CPPED1: variants seen among roughly 807,000 people sequenced by gnomAD.
CPPED1 encodes serine/threonine-protein phosphatase CPPED1.
In CPPED1, 28 loss-of-function variants were observed where a neutral mutation model predicts 28.0. The ratio of observed to expected loss-of-function variants is 1.00; its 90% CI spans 0.74 to 1.37. The LOEUF (loss-of-function observed/expected upper bound fraction) is 1.37, where lower values mean the gene tolerates loss of function less well. Among genes scored for constraint, CPPED1 ranks in the 40% most tolerant of loss-of-function variants. The pLI, the probability that CPPED1 is intolerant of heterozygous loss-of-function variation, is 0.00. For missense variants in CPPED1, 504 were observed against 416.5 expected (o/e 1.21, Z -1.83); for synonymous variants, 198 against 180.2 (o/e 1.10, Z -0.79).
intron 3 of CPPED1, among the ~76,000 whole-genome samples, chr16:12,667,274 T>C (rs1283958032): frequency 2.0e-5 from 3 of 152,166 alleles, no homozygotes; most frequent in Non-Finnish European, 4.4e-5. Flanking sequence ...TTATTTAAGA[T>C]TGTCTGACAA....
At position 12,705,007 on chromosome 16, in the gene CPPED1, A is replaced by C. The variant is rs375032569; in HGVS notation, c.332T>G (p.Val111Gly). 1 of 1,613,608 alleles carries C rather than the reference A, an allele frequency of 6.2e-7. No homozygotes were observed. The highest frequency in any genetic ancestry group is 8.5e-7 in the Non-Finnish European group (1 of 1,179,732). The stretch of plus-strand genomic sequence containing the variant: ...GATGGCCCTGTCCACTGCCCTAAGC[A>C]CTCGCTTCAGGTCCTCCGTCTGCTC... Reference protein sequence around the residue: ...RTEQTEDLKRVLRAVDRAIPL... With the variant: ...RTEQTEDLKRGLRAVDRAIPL... Residue 111 changes from valine to glycine, a missense_variant, in exon 3 of 4, where the codon GTG becomes GGG. Physicochemically the swap from Val to Gly is moderately radical, Grantham distance 109. Coordinates refer to ENST00000381774, the MANE Select transcript of CPPED1 (RefSeq NM_018340.3).
intron 2 of CPPED1, among the ~76,000 whole-genome samples, chr16:12,763,115 C>G (rs2141227908): frequency 6.6e-6 from 1 of 151,870 alleles, no homozygotes; most frequent in East Asian, 2.0e-4. Context: ...GCCTGTAATT[C>G]CAGCTACTTG....
chr16:12,664,247 T>G lies in CPPED1; in HGVS notation c.*639A>C, dbSNP rs968411780. 2.7e-5 allele frequency: 14 copies of G among 514,254 alleles called. No individual in the cohort carries two copies. The highest frequency in any genetic ancestry group is 3.3e-5 in the Non-Finnish European group (13 of 399,210). 31.9% of individuals were successfully genotyped at this position (514,254 alleles called of 1,614,324 possible). A position where few individuals can be genotyped will look rare whatever the true frequency, so the allele number is the denominator to read the frequency against. The stretch of plus-strand genomic sequence containing the variant: ...AATTTATGTGCAAAGGTGACTTTTC[T>G]AGGCACCCAGGAAGGCAAATTTAAG... On this transcript the variant is annotated 3_prime_UTR_variant, in exon 4 of 4. Transcript: ENST00000381774. This position sits in a 1 kb window ranked among gnomAD's most constrained non-coding sequence, Gnocchi z 4.2.
At chr16:12,678,689 G>A (rs1240177747) in intron 3 of CPPED1, among the ~76,000 whole-genome samples, 2 of 151,988 alleles carry the variant, frequency 1.3e-5, no homozygotes, top group Non-Finnish European at 2.9e-5. Context: ...CTTAACAATT[G>A]CTTGCTGATA....
At chr16:12,701,059 T>C (rs1024016684) in intron 3 of CPPED1, among the ~76,000 whole-genome samples, 1 of 151,922 alleles carries the variant, frequency 6.6e-6, no homozygotes, top group Non-Finnish European at 1.5e-5. Context: ...GAGACCTCCA[T>C]CTCTGCAAAA....
At chr16:12,725,858 C>G (rs2080167386) in intron 2 of CPPED1, among the ~76,000 whole-genome samples, 1 of 152,144 alleles carries the variant, frequency 6.6e-6, no homozygotes, top group African/African-American at 2.4e-5. Flanking sequence ...TTGACACCAC[C>G]TCTTACCTAG....
chr16:12,705,162 T>A (rs1460683233), intron 2 of CPPED1, 113 bp from the exon 3 acceptor site: 2 of 1,160,564 alleles, frequency 1.7e-6, no homozygotes, highest in Admixed American at 2.8e-5. Flanking sequence ...GGAAATCCAC[T>A]CCACCTAGCA....
intron 3 of CPPED1, among the ~76,000 whole-genome samples, chr16:12,702,260 C>T (rs2080024557): frequency 6.6e-6 from 1 of 151,792 alleles, no homozygotes; most frequent in African/African-American, 2.4e-5. Context: ...CAAGGGTGCC[C>T]TGTTAGAGCT....
At chr16:12,714,396 C>A (rs2080096258) in intron 2 of CPPED1, among the ~76,000 whole-genome samples, 1 of 152,110 alleles carries the variant, frequency 6.6e-6, no homozygotes, top group South Asian at 2.1e-4. Context: ...CACCATCCTA[C>A]ATTCCTACCA....
intron 3 of CPPED1, among the ~76,000 whole-genome samples, chr16:12,665,458 C>G (rs1227154899): frequency 6.6e-6 from 1 of 151,998 alleles, no homozygotes; most frequent in African/African-American, 2.4e-5. Flanking sequence ...AGCCTGAGTC[C>G]TATAGAAATA....
chr16:12,678,684 C>G (rs1349111575), intron 3 of CPPED1, among the ~76,000 whole-genome samples: 1 of 152,102 alleles, frequency 6.6e-6, no homozygotes, highest in Non-Finnish European at 1.5e-5. Flanking sequence ...TTTCACTTAA[C>G]AATTGCTTGC....
chr16:12,745,606 A>G (rs995673774), intron 2 of CPPED1, among the ~76,000 whole-genome samples: 8 of 152,204 alleles, frequency 5.3e-5, no homozygotes, highest in Non-Finnish European at 1.2e-4. Context: ...CTCACTTATA[A>G]GTGGGAATTA....
intron 2 of CPPED1, among the ~76,000 whole-genome samples, chr16:12,752,727 T>C (rs1293324779): frequency 1.4e-5 from 2 of 147,626 alleles, no homozygotes; most frequent in Non-Finnish European, 3.0e-5. Flanking sequence ...TGAAGTGCTT[T>C]CAAAAACTGC....
chr16:12,764,542 G>A (rs1282422695), intron 2 of CPPED1, among the ~76,000 whole-genome samples: 3 of 152,030 alleles, frequency 2.0e-5, no homozygotes, highest in African/African-American at 4.8e-5. Context: ...GTTTTGCCAT[G>A]TTGCCCAGGC....
At chr16:12,718,553 A>AG (rs1261244353) in intron 2 of CPPED1, among the ~76,000 whole-genome samples, 2 of 151,248 alleles carry the variant, frequency 1.3e-5, no homozygotes, top group African/African-American at 4.9e-5. Flanking sequence ...AAAAAAAAAA[A>AG]AAAAGAAAGA....
At chr16:12,775,735 C>A (rs918963668) in intron 2 of CPPED1, among the ~76,000 whole-genome samples, 2 of 152,188 alleles carry the variant, frequency 1.3e-5, no homozygotes, top group African/African-American at 4.8e-5. Flanking sequence ...ACGAAGCGCA[C>A]AAGGTTTGGA....
intron 2 of CPPED1, among the ~76,000 whole-genome samples, chr16:12,776,764 C>T (rs2080500551): frequency 6.6e-6 from 1 of 152,098 alleles, no homozygotes; most frequent in African/African-American, 2.4e-5. Flanking sequence ...ACCAAAAATA[C>T]AAAAATTAGC....
At chr16:12,766,502 A>C (rs1245189166) in intron 2 of CPPED1, among the ~76,000 whole-genome samples, 1 of 152,068 alleles carries the variant, frequency 6.6e-6, no homozygotes, top group East Asian at 1.9e-4. Context: ...CAGATCTCGT[A>C]GTATGGGGGA....
intron 1 of CPPED1, among the ~76,000 whole-genome samples, chr16:12,791,315 G>A (rs747032348): frequency 4.6e-5 from 7 of 152,112 alleles, no homozygotes; most frequent in Non-Finnish European, 8.8e-5. Context: ...AACATGCGGT[G>A]TTTGGTTTTC....
Sources: allele counts gnomAD v4.1 joint callset (sites outside exome capture counted in the v4.1 genomes callset), GRCh38; gene constraint gnomAD v4.1.1; non-coding constraint Gnocchi (gnomAD v3.1); transcripts MANE v1.5; gene names NCBI Gene and HGNC (gene_info 2026-07-23, HGNC 2026-07-21).